The following TBX15 variants were observed in gnomAD, a reference collection of about 807,000 sequenced individuals.
TBX15 encodes T-box transcription factor 15.
TBX15 carries 18 observed loss-of-function variants against 53.9 expected under a neutral mutation model. That is an observed-to-expected ratio of 0.33 (90% CI 0.23 to 0.49). The LOEUF is 0.49. TBX15 is among the 20% of genes least tolerant of loss of function. TBX15 has a pLI of 0.98. For missense variants in TBX15, 692 were observed against 749.5 expected (o/e 0.92, Z 0.90); for synonymous variants, 295 against 278.0 (o/e 1.06, Z -0.61).
chr1:118,912,056 C>T (rs1214567371), intron 6 of TBX15, among the ~76,000 whole-genome samples: 3 of 151,994 alleles, frequency 2.0e-5, no homozygotes, highest in Non-Finnish European at 4.4e-5. Context: ...GGTGGCTGCT[C>T]ATAGGAAAGC....
rs909219097 is a variant in TBX15, at chr1:118,885,544, A to T, written c.1025-28T>A. The T allele has an allele frequency of 7.1e-6, 11 of 1,554,544 alleles. No homozygotes were observed. The East Asian group carries it at 2.7e-4, about 38-fold the overall frequency. On this transcript the variant is annotated intron_variant, in intron 7 of 7. Transcript: ENST00000369429. ...GAAAAATAAAACGTGAATACTATTGAGACAGAGTCTTTTAAGATGAGTCTG... is the reference window on the plus strand; with the variant it reads ...GAAAAATAAAACGTGAATACTATTGTGACAGAGTCTTTTAAGATGAGTCTG...
chr1:118,921,869 C>A (rs1655435265), intron 5 of TBX15, among the ~76,000 whole-genome samples: 1 of 152,170 alleles, frequency 6.6e-6, no homozygotes, highest in African/African-American at 2.4e-5. Flanking sequence ...TGATTGTTCT[C>A]ATTCTAGAAT....
At chr1:118,893,583 A>AAAGG (rs1224314953) in intron 7 of TBX15, among the ~76,000 whole-genome samples, 14 of 128,738 alleles carry the variant, frequency 1.1e-4, no homozygotes, top group South Asian at 1.0e-3. Context: ...GGAAAGAAAG[A>AAAGG]AAGGAAGGAA....
At chr1:118,887,082 G>A (rs1653968600) in intron 7 of TBX15, among the ~76,000 whole-genome samples, 1 of 152,188 alleles carries the variant, frequency 6.6e-6, no homozygotes, top group Non-Finnish European at 1.5e-5. Flanking sequence ...CTCATCCAAT[G>A]GAAGTTAAAG....
In TBX15 at chr1:118,899,144, G is replaced by A. The variant is rs775924465; in HGVS notation, c.927-19C>T. On this transcript the variant is annotated intron_variant, in intron 6 of 7. Transcript: ENST00000369429. ...TCCAGTTCTGACAAGAGAAAAGCCA[G>A]CAAAGGAAGTCATAAATAATTTCAA... 2.5e-6 allele frequency: 4 copies of A among 1,606,918 alleles called. No individual in the cohort carries two copies. Among genetic ancestry groups the A allele is most frequent in the Non-Finnish European group, 2.6e-6 (3 of 1,174,040 alleles).
At chr1:118,915,380 C>T (rs1473022967) in intron 5 of TBX15, among the ~76,000 whole-genome samples, 1 of 152,188 alleles carries the variant, frequency 6.6e-6, no homozygotes, top group Non-Finnish European at 1.5e-5. Flanking sequence ...CCCAAGACCG[C>T]AGTCTTTAAA....
intron 1 of TBX15, among the ~76,000 whole-genome samples, chr1:118,937,364 A>T (rs185098659): frequency 1.3e-5 from 2 of 152,184 alleles, no homozygotes; most frequent in Non-Finnish European, 2.9e-5. Flanking sequence ...AACTCTTGGG[A>T]CATCAGGGAA....
intron 1 of TBX15, among the ~76,000 whole-genome samples, chr1:118,986,222 C>T (rs113280114): frequency 6.6e-6 from 1 of 152,302 alleles, no homozygotes; most frequent in South Asian, 2.1e-4. Context: ...AGGGTCTGGC[C>T]AGCGAAGGGA....
chr1:118,965,917 T>C (rs1169972251), intron 1 of TBX15, among the ~76,000 whole-genome samples: 1 of 152,190 alleles, frequency 6.6e-6, no homozygotes, highest in Non-Finnish European at 1.5e-5. Flanking sequence ...ATATAATATA[T>C]CATACATGTA....
chr1:118,890,927 G>A (rs1194297808), intron 7 of TBX15: 2 of 1,304,118 alleles, frequency 1.5e-6, no homozygotes, highest in South Asian at 1.2e-5. Flanking sequence ...TCTGAGGAGT[G>A]CTGATTCACT....
intron 1 of TBX15, among the ~76,000 whole-genome samples, chr1:118,975,219 G>C (rs546461521): frequency 6.6e-6 from 1 of 152,266 alleles, no homozygotes; most frequent in African/African-American, 2.4e-5. Context: ...AGGTCATGTC[G>C]GGAAGGCTGC....
At position 118,926,874 on chromosome 1, in the gene TBX15, T is replaced by TTGTGTGTG. The variant is rs34081549; in HGVS notation, c.420-271_420-264dup. On this transcript the variant is annotated intron_variant, in intron 2 of 7. Transcript: ENST00000369429. ...GCATGAGCCACCACGCCCAGCTAAT[T>TTGTGTGTG]TGTGTGTGTGTGTGTGTGTGTGTGT... is the stretch of plus-strand genomic sequence containing the variant. 0.012 allele frequency among the ~76,000 whole-genome samples: 1,755 copies of TTGTGTGTG among 149,058 alleles called. 35 individuals carry two copies. The highest frequency in any genetic ancestry group is 0.041 in the African/African-American group (1,653 of 40,466).
chr1:118,942,995 CA>C (rs2101639137), intron 1 of TBX15, among the ~76,000 whole-genome samples: 1 of 152,230 alleles, frequency 6.6e-6, no homozygotes, highest in East Asian at 1.9e-4. Flanking sequence ...AGAAGTAAGG[CA>C]AAAGATTACA....
At chr1:118,914,227 C>A (rs1655115175) in intron 5 of TBX15, 48 bp from the exon 6 acceptor site, 3 of 1,537,310 alleles carry the variant, frequency 2.0e-6, no homozygotes, top group Non-Finnish European at 1.8e-6. Flanking sequence ...TAACTGATTT[C>A]TTTCTTAGTA....
intron 5 of TBX15, among the ~76,000 whole-genome samples, chr1:118,915,583 T>G (rs1167682415): frequency 6.6e-6 from 1 of 152,252 alleles, no homozygotes; most frequent in Non-Finnish European, 1.5e-5. Context: ...AGGTTTGGCT[T>G]TCTAAAGTCG....
In TBX15 at chr1:118,931,550, G is replaced by A; in HGVS notation, c.419+69C>T. The A allele has an allele frequency of 2.0e-6, 3 of 1,527,842 alleles. No homozygotes were observed. In the South Asian group the frequency reaches 3.5e-5, roughly 18 times the overall value. The allele number at this position is 1,527,842 out of a possible 1,614,324, so 94.6% of individuals were successfully genotyped here. A position where few individuals can be genotyped will look rare whatever the true frequency, so the allele number is the denominator to read the frequency against. Reference sequence around the variant, plus strand: ...GATGCCATCACAAATAAATAAGAATGGAAGAATGTAATGGCTCCTACTTCT... The same window carrying A: ...GATGCCATCACAAATAAATAAGAATAGAAGAATGTAATGGCTCCTACTTCT... On this transcript the variant is annotated intron_variant, in intron 2 of 7. Transcript: ENST00000369429.
chr1:118,983,253 G>A (rs975438534), intron 1 of TBX15, among the ~76,000 whole-genome samples: 9 of 152,110 alleles, frequency 5.9e-5, no homozygotes, highest in Non-Finnish European at 1.2e-4. Flanking sequence ...TCTACATCTG[G>A]GTTTTCCCAT....
At chr1:118,898,287 C>A (rs535254622) in intron 7 of TBX15, among the ~76,000 whole-genome samples, 20 of 152,176 alleles carry the variant, frequency 1.3e-4, no homozygotes, top group African/African-American at 4.8e-4. Context: ...ATTCAGTGTG[C>A]AAAATGTTAG....
chr1:118,919,717 T>G (rs1195396889), intron 5 of TBX15, among the ~76,000 whole-genome samples: 1 of 152,218 alleles, frequency 6.6e-6, no homozygotes, highest in Non-Finnish European at 1.5e-5. Flanking sequence ...GACGCAAATA[T>G]CTTAGAATTA....
Sources: gnomAD v4.1 joint callset for allele counts (sites outside exome capture counted in the v4.1 genomes callset) on GRCh38, gnomAD v4.1.1 for gene constraint, MANE v1.5 for transcripts, NCBI Gene and HGNC (gene_info 2026-07-23, HGNC 2026-07-21) for gene names.